The following CECR2 variants were observed in gnomAD, a reference collection of about 807,000 sequenced individuals.
The protein encoded by CECR2 is CECR2 histone acetyl-lysine reader, also known as chromatin remodeling regulator CECR2.
A neutral mutation model predicts 154.5 loss-of-function variants in CECR2; 30 were observed. That is an observed-to-expected ratio of 0.19 (90% CI 0.15 to 0.26). The LOEUF is 0.26. Ranked by LOEUF, CECR2 falls within the 10% of genes least tolerant of loss-of-function variation. The probability of loss-of-function intolerance (pLI) is 1.00; values close to 1 mark genes in which losing one functional copy is unlikely to be tolerated. For missense variants in CECR2, 1,743 were observed against 1,829.3 expected (o/e 0.95, Z 0.86); for synonymous variants, 725 against 683.7 (o/e 1.06, Z -0.94).
intron 1 of CECR2, among the ~76,000 whole-genome samples, chr22:17,396,755 A>G (rs1366535186): frequency 1.3e-5 from 2 of 152,174 alleles, no homozygotes; most frequent in African/African-American, 2.4e-5. Flanking sequence ...GTGAATGGAG[A>G]AGTAATCTCT....
chr22:17,541,496 G>T (rs1449360426), intron 14 of CECR2, among the ~76,000 whole-genome samples: 1 of 152,222 alleles, frequency 6.6e-6, no homozygotes, highest in Non-Finnish European at 1.5e-5. Flanking sequence ...AGGTATACAT[G>T]TAGTACATGA....
chr22:17,453,112 A>T (rs997580493), intron 1 of CECR2, among the ~76,000 whole-genome samples: 2 of 152,158 alleles, frequency 1.3e-5, no homozygotes, highest in Non-Finnish European at 2.9e-5. Flanking sequence ...AATTTTACCT[A>T]TGGCTGTATA....
chr22:17,521,343 A>G (rs2056153962), intron 8 of CECR2, among the ~76,000 whole-genome samples: 1 of 152,164 alleles, frequency 6.6e-6, no homozygotes, highest in Non-Finnish European at 1.5e-5. Context: ...GATCGAGACC[A>G]TCCTGGCTAA....
At chr22:17,518,957 C>A in intron 8 of CECR2, 1 of 223,104 alleles carries the variant, frequency 4.5e-6, no homozygotes, top group South Asian at 8.5e-5. Context: ...TCTTTAATTG[C>A]CTGTCCTCCT....
chr22:17,472,418 A>G (rs115843300), intron 1 of CECR2, among the ~76,000 whole-genome samples: 3,159 of 152,280 alleles, frequency 0.021, 45 homozygotes, highest in African/African-American at 0.045. Context: ...GTCCTTCAAG[A>G]GGCCTGCTTT....
rs1187129058 is a variant in CECR2, at chr22:17,362,555, T to A, written c.-364+2532T>A. Among the ~76,000 whole-genome samples the A allele has an allele frequency of 3.8e-3, 574 of 152,280 alleles. 3 individuals carry two copies. Among genetic ancestry groups the A allele is most frequent in the African/African-American group, 0.013 (538 of 41,556 alleles). Reference sequence around the variant, plus strand: ...AAAAAATAATTTTTTAGTTCATTTTTTTTGTGTGTGTTGATTACATGTTGA... The same window carrying A: ...AAAAAATAATTTTTTAGTTCATTTTATTTGTGTGTGTTGATTACATGTTGA... On this transcript the variant is annotated intron_variant, in intron 1 of 18. Transcript: ENST00000400585.
chr22:17,396,030 A>G (rs2053804242), intron 1 of CECR2, among the ~76,000 whole-genome samples: 1 of 150,894 alleles, frequency 6.6e-6, no homozygotes, highest in African/African-American at 2.4e-5. Flanking sequence ...ACTTGAGTTT[A>G]GGAGTTGGAG....
intron 1 of CECR2, among the ~76,000 whole-genome samples, chr22:17,458,407 C>CT (rs2054886600): frequency 6.8e-6 from 1 of 146,972 alleles, no homozygotes; most frequent in Non-Finnish European, 1.5e-5. Context: ...GAGCAAGTCT[C>CT]TGTCTCCAAA....
chr22:17,466,523 A>C (rs566174032), intron 1 of CECR2, among the ~76,000 whole-genome samples: 1 of 152,230 alleles, frequency 6.6e-6, no homozygotes, highest in Admixed American at 6.5e-5. Context: ...TTTTGTGCAG[A>C]GTAAATAAGC....
intron 1 of CECR2, among the ~76,000 whole-genome samples, chr22:17,453,760 A>G (rs899165496): frequency 6.6e-6 from 1 of 152,228 alleles, no homozygotes; most frequent in African/African-American, 2.4e-5. Context: ...CACATTCCTG[A>G]AAACTTTAAA....
rs768595444 is a variant in CECR2 at position 17,542,825 on chromosome 22, C to T, written c.2682C>T (p.Arg894=). 8.1e-6 allele frequency: 13 copies of T among 1,613,772 alleles called. No individual in the cohort carries two copies. In the Admixed American group the frequency reaches 8.3e-5, roughly 10 times the overall value. Residue 894 remains arginine, a synonymous_variant, in exon 16 of 19, where the codon CGC becomes CGT. Coordinates refer to ENST00000262608, the MANE Select transcript of CECR2 (RefSeq NM_001290047.2). ...TTGCGATGCAGCAGCTCTCCTCCCGCGTCTGCCCCCCAGGTGTGCCTTACC... is the reference window on the plus strand; with the variant it reads ...TTGCGATGCAGCAGCTCTCCTCCCGTGTCTGCCCCCCAGGTGTGCCTTACC... ...EMIAMQQLSS[R]VCPPGVPYHP...
At chr22:17,528,690 C>T (rs2056304918) in intron 9 of CECR2, among the ~76,000 whole-genome samples, 1 of 152,116 alleles carries the variant, frequency 6.6e-6, no homozygotes, top group Admixed American at 6.6e-5. Flanking sequence ...TGTACACTAC[C>T]ACACCCGGCT....
At chr22:17,404,124 T>C (rs1196696063) in intron 1 of CECR2, among the ~76,000 whole-genome samples, 1 of 151,328 alleles carries the variant, frequency 6.6e-6, no homozygotes, top group African/African-American at 2.4e-5. Context: ...CCGGGCGTCA[T>C]GTTGCACGTC....
At chr22:17,474,227 T>A (rs2055173482) in intron 1 of CECR2, among the ~76,000 whole-genome samples, 1 of 152,188 alleles carries the variant, frequency 6.6e-6, no homozygotes, top group Non-Finnish European at 1.5e-5. Flanking sequence ...CTGCAAATTT[T>A]TGGGTGGGTT....
chr22:17,399,131 C>T (rs2053855299), intron 1 of CECR2, among the ~76,000 whole-genome samples: 1 of 152,166 alleles, frequency 6.6e-6, no homozygotes, highest in South Asian at 2.1e-4. Flanking sequence ...CTGAGTTGGT[C>T]AAGTTCAGCA....
chr22:17,496,342 A>G (rs141736201), intron 2 of CECR2, among the ~76,000 whole-genome samples: 2 of 152,194 alleles, frequency 1.3e-5, no homozygotes, highest in African/African-American at 4.8e-5. Flanking sequence ...CTAAAATTAC[A>G]AAAAGAAATT....
intron 1 of CECR2, among the ~76,000 whole-genome samples, chr22:17,467,788 A>G (rs1207881468): frequency 9.0e-6 from 1 of 111,222 alleles, no homozygotes; most frequent in Non-Finnish European, 1.9e-5. Flanking sequence ...GTCTCAAAAA[A>G]AAGAAAGAAA....
Position 17,511,823 on chromosome 22 carries a change from C to G in CECR2, c.881C>G (p.Pro294Arg), listed in dbSNP as rs759447732. 1 of 1,611,950 alleles carries G rather than the reference C, an allele frequency of 6.2e-7. No individual in the cohort carries two copies. Among genetic ancestry groups the G allele is most frequent in the Non-Finnish European group, 8.5e-7 (1 of 1,178,808 alleles). The change falls in exon 8 of 19, where the codon CCA (proline) becomes CGA (arginine). Residue 294 changes from proline (P) to arginine (R), a missense_variant. By Grantham distance (103) the Pro-to-Arg change is moderately radical (BLOSUM62 -2). Transcript: ENST00000262608. ...CNMIAQKGKR[P>R]QRTKAELHPR... is the part of the protein sequence containing the mutation. Reference sequence around the variant, plus strand: ...CACTTCTAACTATAGGGAAAACGTCCACAGCGCACAAAGGCAGAGTTGCAT... The same window carrying G: ...CACTTCTAACTATAGGGAAAACGTCGACAGCGCACAAAGGCAGAGTTGCAT...
chr22:17,483,417 A>G (rs1050588264), intron 2 of CECR2, among the ~76,000 whole-genome samples: 1 of 152,060 alleles, frequency 6.6e-6, no homozygotes, highest in African/African-American at 2.4e-5. Flanking sequence ...AAATAAATGA[A>G]TTAGCTGGGC....
Sources: allele counts gnomAD v4.1 joint callset (sites outside exome capture counted in the v4.1 genomes callset), GRCh38; gene constraint gnomAD v4.1.1; transcripts MANE v1.5; gene names NCBI Gene and HGNC (gene_info 2026-07-23, HGNC 2026-07-21).